The following PUS7 variants were observed in gnomAD, a reference collection of about 807,000 sequenced individuals.
PUS7 encodes the protein pseudouridylate synthase 7 homolog.
PUS7 carries 48 observed loss-of-function variants against 79.8 expected under a neutral mutation model. That is an observed-to-expected ratio of 0.60 (90% CI 0.48 to 0.76). The LOEUF (loss-of-function observed/expected upper bound fraction) is 0.76. Among genes scored for constraint, PUS7 ranks in the 30% least tolerant of loss-of-function variants. PUS7 has a pLI of 0.00. For synonymous variants in PUS7, 286 were observed against 272.2 expected, an observed-to-expected ratio of 1.05 and a Z score of -0.50; for missense variants, 729 against 797.6, an observed-to-expected ratio of 0.91 and a Z score of 1.04.
chr7:105,481,204 A>C, intron 8 of PUS7, 27 bp from the exon 9 acceptor site: 1 of 1,588,414 alleles, frequency 6.3e-7, no homozygotes, highest in African/African-American at 1.4e-5. Flanking sequence ...TATCCAGAGG[A>C]AAAAAAGTTA....
intron 1 of PUS7, among the ~76,000 whole-genome samples, chr7:105,508,871 TAAAAAAA>T (rs34249093): frequency 4.4e-5 from 1 of 22,890 alleles, no homozygotes; most frequent in Non-Finnish European, 8.0e-5. Flanking sequence ...GACATTGTCT[TAAAAAAA>T]AAAAAAAAAA....
rs142810564 is a variant in PUS7 at position 105,506,195 on chromosome 7, A to G, written c.477T>C (p.Asp159=). The G allele has an allele frequency of 6.2e-7, 1 of 1,610,476 alleles. No individual in the cohort carries two copies. The highest frequency in any genetic ancestry group is 8.5e-7 in the Non-Finnish European group (1 of 1,178,212). Reference sequence around the variant, plus strand: ...GCTAAAGAGCTACTTCTACCTCCTCATCCACTGGAATGGACAAGTCATTCA... The same window carrying G: ...GCTAAAGAGCTACTTCTACCTCCTCGTCCACTGGAATGGACAAGTCATTCA... ...SHLNDLSIPV[D]EEDPSEDIFT... Residue 159 remains aspartate, a synonymous_variant, in exon 3 of 16, where the codon GAT becomes GAC. Transcript: ENST00000469408.
chr7:105,496,028 C>T (rs1442547415), intron 5 of PUS7, among the ~76,000 whole-genome samples: 2 of 151,548 alleles, frequency 1.3e-5, no homozygotes, highest in African/African-American at 4.8e-5. Context: ...GGCATTGTGG[C>T]GAGTGCCTGT....
At chr7:105,512,349 G>A (rs1044739858) in intron 1 of PUS7, among the ~76,000 whole-genome samples, 1 of 152,034 alleles carries the variant, frequency 6.6e-6, no homozygotes, top group Non-Finnish European at 1.5e-5. Context: ...ATGCTGACAC[G>A]ATTTCACTCT....
At chr7:105,504,303 T>C (rs1171925115) in intron 4 of PUS7, among the ~76,000 whole-genome samples, 1 of 151,984 alleles carries the variant, frequency 6.6e-6, no homozygotes, top group Non-Finnish European at 1.5e-5. Context: ...ACTCCTGACC[T>C]TAGGTGATCC....
chr7:105,472,903 G>A (rs1422167974), intron 9 of PUS7, among the ~76,000 whole-genome samples: 1 of 147,438 alleles, frequency 6.8e-6, no homozygotes. Flanking sequence ...ACAGGCACCT[G>A]CCACCTTGCC....
rs1166387377 is a variant in PUS7, at chr7:105,468,322, C to T, written c.1525+15G>A. On this transcript the variant is annotated intron_variant, in intron 12 of 15. Transcript: ENST00000469408. Reference sequence around the variant, plus strand: ...CCCTAGCTTAGCTGAGTAACAAAGACATCTGCCTTTTTACCTCCTTTGAGA... The same window carrying T: ...CCCTAGCTTAGCTGAGTAACAAAGATATCTGCCTTTTTACCTCCTTTGAGA... 1.9e-6 allele frequency: 3 copies of T among 1,608,302 alleles called. No homozygotes were observed. Among genetic ancestry groups the T allele is most frequent in the Non-Finnish European group, 1.7e-6 (2 of 1,178,378 alleles).
Position 105,457,783 on chromosome 7 carries a change from G to A in PUS7, c.*7C>T. On this transcript the variant is annotated 3_prime_UTR_variant, in exon 16 of 16. Coordinates refer to ENST00000469408, the MANE Select transcript of PUS7 (RefSeq NM_019042.5). Reference sequence around the variant, plus strand: ...GTACGTTTTCTAATCTGTGGACAAGGTACTGCTCAGCGAAGCCAGGTTGTA... The same window carrying A: ...GTACGTTTTCTAATCTGTGGACAAGATACTGCTCAGCGAAGCCAGGTTGTA... 6.2e-7 allele frequency: 1 copy of A among 1,613,526 alleles called. No homozygotes were observed. Among genetic ancestry groups the A allele is most frequent in the Non-Finnish European group, 8.5e-7 (1 of 1,179,642 alleles).
At chr7:105,501,439 T>C (rs926186845) in intron 5 of PUS7, among the ~76,000 whole-genome samples, 16 of 152,178 alleles carry the variant, frequency 1.1e-4, no homozygotes, top group Admixed American at 7.9e-4. Flanking sequence ...TATATGCAAA[T>C]AGAAACTTTT....
chr7:105,515,274 C>A (rs1825852333), intron 1 of PUS7, among the ~76,000 whole-genome samples: 1 of 152,088 alleles, frequency 6.6e-6, no homozygotes, highest in South Asian at 2.1e-4. Flanking sequence ...ATGTGAAAAC[C>A]CTGTACGAAA....
chr7:105,512,482 T>C (rs1310562878), intron 1 of PUS7, among the ~76,000 whole-genome samples: 1 of 152,070 alleles, frequency 6.6e-6, no homozygotes, highest in Non-Finnish European at 1.5e-5. Context: ...AAGACTACAA[T>C]GCCTGGGCCA....
chr7:105,489,665 G>A lies in PUS7; in HGVS notation c.920+1875C>T, dbSNP rs555657545. On this transcript the variant is annotated intron_variant, in intron 7 of 15. Transcript: ENST00000469408. ...ATGCCACTGTCTCAAGGTCAAGGAA[G>A]AAAAAGAACTGGAATAAACATTACG... 2.0e-5 allele frequency among the ~76,000 whole-genome samples: 3 copies of A among 152,178 alleles called. No homozygotes were observed. In the Middle Eastern group the frequency reaches 0.01, roughly 518 times the overall value.
intron 14 of PUS7, 128 bp downstream of exon 14, chr7:105,462,493 C>A: frequency 9.9e-7 from 1 of 1,005,336 alleles, no homozygotes; most frequent in South Asian, 1.6e-5. Context: ...CTTATGATAC[C>A]ACCATCATAT....
At chr7:105,480,662 GC>G (rs1274822791) in intron 9 of PUS7, among the ~76,000 whole-genome samples, 20 of 152,168 alleles carry the variant, frequency 1.3e-4, no homozygotes, top group African/African-American at 4.8e-4. Flanking sequence ...TGTAAACCCA[GC>G]TACTCAGGAG....
chr7:105,482,533 A>G, intron 7 of PUS7, 93 bp from the exon 8 acceptor site: 1 of 1,337,760 alleles, frequency 7.5e-7, no homozygotes. Context: ...ACAGAAAACA[A>G]GATACAGCAC....
intron 12 of PUS7, among the ~76,000 whole-genome samples, chr7:105,466,302 G>A (rs988883486): frequency 1.3e-5 from 2 of 152,080 alleles, no homozygotes; most frequent in Non-Finnish European, 2.9e-5. Flanking sequence ...CTGCCACTAA[G>A]GCCAGAGTGC....
chr7:105,483,859 G>A (rs925735113), intron 7 of PUS7, among the ~76,000 whole-genome samples: 1 of 152,174 alleles, frequency 6.6e-6, no homozygotes, highest in Admixed American at 6.6e-5. Flanking sequence ...TGTGATGTCT[G>A]TTTGGTTTCC....
intron 1 of PUS7, among the ~76,000 whole-genome samples, chr7:105,518,666 G>A (rs2133303958): frequency 6.6e-6 from 1 of 152,244 alleles, no homozygotes; most frequent in East Asian, 1.9e-4. Context: ...TGGGATTACA[G>A]GTGTGCACCA....
chr7:105,494,689 T>C (rs1474628032), intron 6 of PUS7, among the ~76,000 whole-genome samples: 1 of 151,966 alleles, frequency 6.6e-6, no homozygotes, highest in South Asian at 2.1e-4. Context: ...ATTACAGGTG[T>C]GAGCCACTGC....
Sources: gnomAD v4.1 joint callset for allele counts (sites outside exome capture counted in the v4.1 genomes callset) on GRCh38, gnomAD v4.1.1 for gene constraint, MANE v1.5 for transcripts, NCBI Gene and HGNC (gene_info 2026-07-23, HGNC 2026-07-21) for gene names.